The following ADGRE3 variants were observed in gnomAD, a reference collection of about 807,000 sequenced individuals.
ADGRE3 encodes the protein adhesion G protein-coupled receptor E3.
Under a neutral mutation model 80.1 loss-of-function variants are expected in ADGRE3, and 88 were observed. That is an observed-to-expected ratio of 1.10 (90% CI 0.93 to 1.31). The LOEUF (loss-of-function observed/expected upper bound fraction) is 1.31. Ranked by LOEUF, ADGRE3 falls within the 40% of genes most tolerant of loss-of-function variation. ADGRE3 has a pLI of 0.00. For missense variants in ADGRE3, 715 were observed against 776.5 expected (o/e 0.92, Z 0.94); for synonymous variants, 281 against 294.8 (o/e 0.95, Z 0.48).
At chr19:14,648,691 A>C (rs1478291334) in intron 7 of ADGRE3, among the ~76,000 whole-genome samples, 1 of 152,196 alleles carries the variant, frequency 6.6e-6, no homozygotes. Context: ...ATTGCCTGCT[A>C]TAATGTGGGT....
chr19:14,606,679 CAA>C, the ADGRE3 span, among the ~76,000 whole-genome samples: 18 of 66,396 alleles, frequency 2.7e-4, no homozygotes, highest in Admixed American at 3.4e-4. Flanking sequence ...GACTCCCTCT[CAA>C]AAAAAAAAAA....
At chr19:14,658,049 G>A (rs1341761261) in intron 5 of ADGRE3, among the ~76,000 whole-genome samples, 1 of 152,070 alleles carries the variant, frequency 6.6e-6, no homozygotes, top group African/African-American at 2.4e-5. Flanking sequence ...ACAGGCGTGA[G>A]CCACCACGCC....
chr19:14,666,356 A>AT (rs1281992482), intron 2 of ADGRE3, among the ~76,000 whole-genome samples: 36 of 141,796 alleles, frequency 2.5e-4, no homozygotes, highest in Middle Eastern at 7.2e-3. Flanking sequence ...GATGTTGAGC[A>AT]TTTTTTCATG....
At chr19:14,661,837 T>G (rs1599648396) in intron 4 of ADGRE3, 126 bp downstream of exon 4, 3 of 962,310 alleles carry the variant, frequency 3.1e-6, no homozygotes, top group African/African-American at 1.7e-5. Context: ...GAGGCGGAGG[T>G]TTCAGCCACT....
chr19:14,623,627 T>C lies in ADGRE3; in HGVS notation c.1920+1865A>G, dbSNP rs1189243525. On this transcript the variant is annotated intron_variant, in intron 15 of 15. Transcript: ENST00000253673. ...ATCCTCTGCAATTATGCAGAGCAGC[T>C]GGGGCAGAATCCCTCCCCTGGAGCC... 2.6e-5 allele frequency among the ~76,000 whole-genome samples: 4 copies of C among 152,278 alleles called. No individual in the cohort carries two copies. In the East Asian group the frequency reaches 5.8e-4, roughly 22 times the overall value.
At chr19:14,616,101 T>G (rs898001669), downstream of ADGRE3, among the ~76,000 whole-genome samples, 22 of 152,018 alleles carry the variant, frequency 1.4e-4, no homozygotes, top group African/African-American at 5.3e-4. Context: ...CCGGCTAATT[T>G]TTGTATTTTT....
downstream of ADGRE3, among the ~76,000 whole-genome samples, chr19:14,618,846 C>CAAAAAAAAAAAAA (rs771965258): frequency 2.3e-4 from 14 of 61,936 alleles, no homozygotes; most frequent in Non-Finnish European, 3.1e-4. Flanking sequence ...AACTCCATCT[C>CAAAAAAAAAAAAA]AAAAAAAAAA....
downstream of ADGRE3, among the ~76,000 whole-genome samples, chr19:14,614,778 T>A (rs569664320): frequency 4.2e-4 from 64 of 152,180 alleles, no homozygotes; most frequent in African/African-American, 1.5e-3. Flanking sequence ...GGTTTTGCCA[T>A]GTTGGCCAGG....
At chr19:14,658,728 A>T (rs530524286) in intron 4 of ADGRE3, among the ~76,000 whole-genome samples, 178 bp from the exon 5 acceptor site, 14 of 151,886 alleles carry the variant, frequency 9.2e-5, no homozygotes, top group Non-Finnish European at 1.5e-4. Flanking sequence ...TATTTAAAAA[A>T]TTTTTTATTT....
chr19:14,634,360 A>G (rs1970974477), intron 11 of ADGRE3, among the ~76,000 whole-genome samples: 1 of 152,168 alleles, frequency 6.6e-6, no homozygotes, highest in Non-Finnish European at 1.5e-5. Context: ...CCTATTACAC[A>G]CAATTGGAGA....
At position 14,663,664 on chromosome 19, in the gene ADGRE3, C is replaced by T. The variant is rs532210865; in HGVS notation, c.77-124G>A. 1.2e-4 allele frequency: 139 copies of T among 1,190,542 alleles called. 1 individual carries two copies. In the Admixed American group the frequency reaches 1.9e-3, roughly 16 times the overall value. 73.7% of individuals were successfully genotyped at this position (1,190,542 alleles called of 1,614,324 possible). The stretch of plus-strand genomic sequence containing the variant: ...GAGCAGCCTGGCCAACATACTGAAA[C>T]CCCATTTCTACTAAAAATACCAAAA... On this transcript the variant is annotated intron_variant, in intron 2 of 15. Coordinates refer to ENST00000253673, the MANE Select transcript of ADGRE3 (RefSeq NM_032571.5).
the ADGRE3 span, among the ~76,000 whole-genome samples, chr19:14,606,187 A>G: frequency 6.6e-6 from 1 of 152,118 alleles, no homozygotes; most frequent in Middle Eastern, 3.2e-3. Context: ...ATCAGTTACT[A>G]TTGCTAAAAA....
At chr19:14,633,346 G>A (rs935169469) in intron 11 of ADGRE3, 44 bp from the exon 12 acceptor site, 1 of 1,433,730 alleles carries the variant, frequency 7.0e-7, no homozygotes, top group South Asian at 1.2e-5. Flanking sequence ...ATCAGAGAAA[G>A]TGCGTGAGAT....
intron 6 of ADGRE3, among the ~76,000 whole-genome samples, chr19:14,652,860 A>C (rs559063281): frequency 6.6e-6 from 1 of 151,524 alleles, no homozygotes; most frequent in South Asian, 2.1e-4. Context: ...ATTGACTCTC[A>C]GTTTTTGAAA....
At chr19:14,667,743 G>A (rs1465752127) in intron 2 of ADGRE3, among the ~76,000 whole-genome samples, 1 of 152,150 alleles carries the variant, frequency 6.6e-6, no homozygotes, top group Non-Finnish European at 1.5e-5. Context: ...TCGAGTTGAT[G>A]GGTGCAGCAA....
chr19:14,604,961 G>A, the ADGRE3 span, among the ~76,000 whole-genome samples: 2 of 152,058 alleles, frequency 1.3e-5, no homozygotes, highest in Non-Finnish European at 2.9e-5. Flanking sequence ...CACCCAAACA[G>A]CAACAATAGC....
At chr19:14,601,376 A>C in the ADGRE3 span, among the ~76,000 whole-genome samples, 1 of 152,176 alleles carries the variant, frequency 6.6e-6, no homozygotes, top group Non-Finnish European at 1.5e-5. Flanking sequence ...CCTCCGTGCA[A>C]CCAGAAGGAG....
intron 4 of ADGRE3, 22 bp from the exon 5 acceptor site, chr19:14,658,572 A>G: frequency 1.3e-6 from 2 of 1,542,282 alleles, no homozygotes; most frequent in African/African-American, 1.4e-5. Context: ...ATCATGATGG[A>G]GTTACTATTG....
intron 1 of ADGRE3, among the ~76,000 whole-genome samples, chr19:14,670,337 G>A (rs1214710558): frequency 6.6e-6 from 1 of 152,162 alleles, no homozygotes; most frequent in Non-Finnish European, 1.5e-5. Flanking sequence ...CCCAGCTGAT[G>A]AGGCTGCATT....
Sources: allele counts gnomAD v4.1 joint callset (sites outside exome capture counted in the v4.1 genomes callset), GRCh38; gene constraint gnomAD v4.1.1; transcripts MANE v1.5; gene names NCBI Gene and HGNC (gene_info 2026-07-23, HGNC 2026-07-21).